The following TIAM2 variants were observed in gnomAD, a reference collection of about 807,000 sequenced individuals.
TIAM2 encodes TIAM Rac1 associated GEF 2.
In TIAM2, 80 loss-of-function variants were observed where a neutral mutation model predicts 152.9. The ratio of observed to expected loss-of-function variants is 0.52; its 90% CI spans 0.44 to 0.63. The LOEUF is 0.63. TIAM2 is among the 30% of genes least tolerant of loss of function. TIAM2 has a pLI of 0.00. For synonymous variants in TIAM2, 804 were observed against 838.0 expected (o/e 0.96, Z 0.70); for missense variants, 1,965 against 2,120.1 (o/e 0.93, Z 1.44).
rs1398546418 is a variant in TIAM2 at position 155,131,386 on chromosome 6, C to T, written c.1194+969C>T. On this transcript the variant is annotated intron_variant, in intron 4 of 26. Coordinates refer to ENST00000682666, the MANE Select transcript of TIAM2 (RefSeq NM_012454.4). Reference sequence around the variant, plus strand: ...AGTAAGTACAGAGTTGGAGAGAATTCCTGAAAGAATTGGTTATCTGAGAAT... The same window carrying T: ...AGTAAGTACAGAGTTGGAGAGAATTTCTGAAAGAATTGGTTATCTGAGAAT... Among the ~76,000 whole-genome samples, 3 of 151,142 alleles carry T rather than the reference C, an allele frequency of 2.0e-5. No homozygotes were observed. In the East Asian group the frequency reaches 5.8e-4, roughly 29 times the overall value.
chr6:155,077,397 C>T (rs953763722), intron 1 of TIAM2, among the ~76,000 whole-genome samples: 1 of 152,134 alleles, frequency 6.6e-6, no homozygotes, highest in Non-Finnish European at 1.5e-5. Context: ...ACAGCAATCT[C>T]CAAGTCTCAT....
At chr6:155,015,665 G>A (rs767800946) in intron 1 of TIAM2, among the ~76,000 whole-genome samples, 3 of 151,992 alleles carry the variant, frequency 2.0e-5, no homozygotes, top group Non-Finnish European at 2.9e-5. Flanking sequence ...GGCCGGGCGC[G>A]GTGGCTCATG....
chr6:155,035,284 G>A (rs1489222476), intron 1 of TIAM2, among the ~76,000 whole-genome samples: 1 of 150,622 alleles, frequency 6.6e-6, no homozygotes, highest in Non-Finnish European at 1.5e-5. Flanking sequence ...GTGCGGTGGC[G>A]TGATCTTGGC....
At chr6:155,066,158 TC>T (rs1777689793) in intron 1 of TIAM2, among the ~76,000 whole-genome samples, 2 of 151,148 alleles carry the variant, frequency 1.3e-5, no homozygotes, top group Admixed American at 6.6e-5. Context: ...TTCTCAATTT[TC>T]CTGTTCCCAA....
intron 9 of TIAM2, among the ~76,000 whole-genome samples, chr6:155,166,348 G>T (rs570807578): frequency 6.7e-6 from 1 of 149,542 alleles, no homozygotes; most frequent in Non-Finnish European, 1.5e-5. Context: ...TTTTGAGATG[G>T]AGTCTTGCTC....
intron 4 of TIAM2, among the ~76,000 whole-genome samples, chr6:155,132,394 C>A (rs1300883234): frequency 1.3e-5 from 2 of 151,748 alleles, no homozygotes; most frequent in Non-Finnish European, 2.9e-5. Flanking sequence ...TCTGCCTCCA[C>A]CACCCCCTCC....
chr6:155,134,068 T>C lies in TIAM2; in HGVS notation c.1195-3109T>C, dbSNP rs556278590. 9.2e-5 allele frequency among the ~76,000 whole-genome samples: 14 copies of C among 152,290 alleles called. No individual in the cohort carries two copies. In the East Asian group the frequency reaches 2.5e-3, roughly 27 times the overall value. On this transcript the variant is annotated intron_variant, in intron 4 of 26. Transcript: ENST00000682666. ...CCACTCTGCTGTACTGCCCTAGTCA[T>C]CAAGTTACATTAGCCCTTGTTTCTG...
rs564780979 is a variant in TIAM2, at chr6:155,256,671, C to T, written c.4656C>T (p.Pro1552=). 11 of 1,614,176 alleles carry T rather than the reference C, an allele frequency of 6.8e-6. No homozygotes were observed. Among genetic ancestry groups the T allele is most frequent in the South Asian group, 5.5e-5 (5 of 91,082 alleles). The stretch of plus-strand genomic sequence containing the variant: ...CTTCTCCCGGGAAATACCCACACCC[C>T]GGCTTGGCAGATTTTGCCGACAATC... The part of the protein sequence containing the change: ...KSTSPGKYPH[P]GLADFADNLI... Residue 1552 remains proline (P), a synonymous_variant, in exon 27 of 27, where the codon CCC becomes CCT. Transcript: ENST00000682666.
At chr6:155,132,366 T>G (rs1468147880) in intron 4 of TIAM2, among the ~76,000 whole-genome samples, 1 of 151,484 alleles carries the variant, frequency 6.6e-6, no homozygotes, top group Non-Finnish European at 1.5e-5. Flanking sequence ...GTTACTTCCT[T>G]CTGATGTATA....
intron 2 of TIAM2, among the ~76,000 whole-genome samples, chr6:155,116,853 A>G (rs1260574909): frequency 6.6e-6 from 1 of 152,120 alleles, no homozygotes; most frequent in Admixed American, 6.6e-5. Flanking sequence ...ACAATTTTGA[A>G]TCCCATGTTT....
intron 2 of TIAM2, among the ~76,000 whole-genome samples, chr6:155,123,185 GT>G (rs34702441): frequency 1.9e-4 from 28 of 148,134 alleles, no homozygotes; most frequent in East Asian, 1.4e-3. Context: ...GTTTAAGGCT[GT>G]TTTTTTTTTT....
chr6:155,034,246 GTTTTT>G (rs796993083), intron 1 of TIAM2, among the ~76,000 whole-genome samples: 1 of 149,594 alleles, frequency 6.7e-6, no homozygotes, highest in Non-Finnish European at 1.5e-5. Flanking sequence ...GGGTCCATTG[GTTTTT>G]TTGTTTTTGT....
Position 155,137,554 on chromosome 6 carries a change from A to G in TIAM2, c.1572A>G (p.Glu524=). The change falls in exon 5 of 27, where the codon GAA becomes GAG. Residue 524 remains glutamate, a synonymous_variant. Transcript: ENST00000682666. ...FFKPLVTVQK[E]RKLELVARRK... ...AGCCCCTGGTCACTGTGCAGAAGGA[A>G]AGGAAGCTTGAGCTGGTGGCACGAA... 6.2e-7 allele frequency: 1 copy of G among 1,612,750 alleles called. No individual in the cohort carries two copies. Among genetic ancestry groups the G allele is most frequent in the Non-Finnish European group, 8.5e-7 (1 of 1,179,932 alleles).
chr6:155,110,318 C>CTTT (rs67332964), intron 2 of TIAM2, among the ~76,000 whole-genome samples: 2 of 133,798 alleles, frequency 1.5e-5, no homozygotes, highest in African/African-American at 2.8e-5. Context: ...TCTTTCTTTT[C>CTTT]TTTTTTTTTT....
chr6:155,254,509 G>A lies in TIAM2; in HGVS notation c.4404G>A (p.Leu1468=). 1.2e-6 allele frequency: 2 copies of A among 1,614,142 alleles called. No individual in the cohort carries two copies. Among genetic ancestry groups the A allele is most frequent in the South Asian group, 1.1e-5 (1 of 91,076 alleles). ...GTCACATAAAGTGTGAATTACCACT[G>A]GAGAAAACGTGTAAGGATCGCCTGG... ...FRRHIKCELP[L]EKTCKDRLVP... Residue 1468 remains leucine (L), a synonymous_variant, in exon 26 of 27, where the codon CTG becomes CTA. Coordinates refer to ENST00000682666, the MANE Select transcript of TIAM2 (RefSeq NM_012454.4).
At chr6:155,246,128 G>A (rs964546541) in intron 19 of TIAM2, among the ~76,000 whole-genome samples, 2 of 151,102 alleles carry the variant, frequency 1.3e-5, no homozygotes, top group Non-Finnish European at 2.9e-5. Context: ...AGCCTACCAC[G>A]AAACTCACAA....
intron 12 of TIAM2, among the ~76,000 whole-genome samples, chr6:155,180,526 A>G (rs909580281): frequency 6.6e-6 from 1 of 152,210 alleles, no homozygotes; most frequent in Non-Finnish European, 1.5e-5. Flanking sequence ...AGTTTATAAT[A>G]TGTTAAAATG....
At chr6:155,048,752 A>C (rs1777258555) in intron 1 of TIAM2, among the ~76,000 whole-genome samples, 1 of 151,838 alleles carries the variant, frequency 6.6e-6, no homozygotes, top group African/African-American at 2.4e-5. Flanking sequence ...AAACAAACTC[A>C]GTGCATGTTT....
chr6:155,049,053 G>A (rs1467214107), intron 1 of TIAM2, among the ~76,000 whole-genome samples: 3 of 151,932 alleles, frequency 2.0e-5, no homozygotes, highest in Non-Finnish European at 2.9e-5. Context: ...CGCCCGTCTC[G>A]GACTCCCAAA....
Sources: allele counts gnomAD v4.1 joint callset (sites outside exome capture counted in the v4.1 genomes callset), GRCh38; gene constraint gnomAD v4.1.1; transcripts MANE v1.5; gene names NCBI Gene and HGNC (gene_info 2026-07-23, HGNC 2026-07-21).